EXOC4: variants seen among roughly 807,000 people sequenced by gnomAD.
EXOC4 encodes exocyst complex component 4, also known as SEC8-like 1.
In EXOC4, 71 loss-of-function variants were observed where a neutral mutation model predicts 107.2. That is an observed-to-expected ratio of 0.66 (90% CI 0.55 to 0.81). The LOEUF (loss-of-function observed/expected upper bound fraction) is 0.81, where lower values mean the gene tolerates loss of function less well. Among genes scored for constraint, EXOC4 ranks in the 30% least tolerant of loss-of-function variants. The pLI, the probability that EXOC4 is intolerant of heterozygous loss-of-function variation, is 0.00. For missense variants in EXOC4, 1,108 were observed against 1,189.6 expected, an observed-to-expected ratio of 0.93 and a Z score of 1.01; for synonymous variants, 456 against 441.2, an observed-to-expected ratio of 1.03 and a Z score of -0.42.
chr7:133,814,991 A>G (rs1323297495), intron 10 of EXOC4, among the ~76,000 whole-genome samples: 8 of 152,200 alleles, frequency 5.3e-5, no homozygotes, highest in Non-Finnish European at 7.3e-5. Flanking sequence ...AAATTGAAGT[A>G]CAATACAGCT....
intron 2 of EXOC4, among the ~76,000 whole-genome samples, chr7:133,288,464 T>C (rs1317056): frequency 0.17 from 25,887 of 152,154 alleles, 2,319 homozygotes; most frequent in Middle Eastern, 0.21. Context: ...GGTTGAGCAC[T>C]CTGTTTCTTG....
intron 12 of EXOC4, among the ~76,000 whole-genome samples, chr7:133,913,157 T>C (rs1799733915): frequency 6.6e-6 from 1 of 152,168 alleles, no homozygotes; most frequent in Non-Finnish European, 1.5e-5. Flanking sequence ...ATACTCATCA[T>C]GGGTAGTGTG....
chr7:133,923,564 TG>T (rs1242815421), intron 13 of EXOC4, among the ~76,000 whole-genome samples: 1 of 152,220 alleles, frequency 6.6e-6, no homozygotes, highest in African/African-American at 2.4e-5. Context: ...TATCCTCTTT[TG>T]TAACATATTT....
chr7:133,913,534 T>C (rs925000114), intron 12 of EXOC4, among the ~76,000 whole-genome samples: 2 of 152,090 alleles, frequency 1.3e-5, no homozygotes, highest in African/African-American at 2.4e-5. Flanking sequence ...ATTAAGGAGA[T>C]AGAATTGGCA....
intron 7 of EXOC4, among the ~76,000 whole-genome samples, chr7:133,454,823 A>C (rs939896061): frequency 3.9e-5 from 6 of 152,188 alleles, no homozygotes; most frequent in Non-Finnish European, 7.4e-5. Flanking sequence ...TATAGGCCAG[A>C]CACAGTGGCA....
At chr7:133,366,006 A>G (rs951958105) in intron 6 of EXOC4, among the ~76,000 whole-genome samples, 3 of 152,214 alleles carry the variant, frequency 2.0e-5, no homozygotes, top group African/African-American at 7.2e-5. Flanking sequence ...GTCTCAGCAG[A>G]CAAGTAATAG....
At chr7:133,596,277 T>G (rs541849050) in intron 9 of EXOC4, among the ~76,000 whole-genome samples, 1 of 152,344 alleles carries the variant, frequency 6.6e-6, no homozygotes, top group South Asian at 2.1e-4. Context: ...GATTTCTGGC[T>G]GTTTCTTTAT....
intron 10 of EXOC4, among the ~76,000 whole-genome samples, chr7:133,698,287 T>C (rs1250306462): frequency 1.3e-5 from 2 of 152,054 alleles, no homozygotes; most frequent in African/African-American, 4.8e-5. Context: ...TTCACTTCTG[T>C]GTTGAGACTG....
the EXOC4 span, among the ~76,000 whole-genome samples, chr7:134,093,620 A>G: frequency 2.6e-5 from 4 of 152,198 alleles, no homozygotes; most frequent in Non-Finnish European, 5.9e-5. Context: ...CACAGAATAT[A>G]CATTTTTCTC....
chr7:134,050,226 G>A (rs1050152061), intron 17 of EXOC4, among the ~76,000 whole-genome samples: 2 of 152,144 alleles, frequency 1.3e-5, no homozygotes, highest in South Asian at 2.1e-4. Flanking sequence ...GAGGCTTTAC[G>A]CTATATGCTT....
intron 7 of EXOC4, among the ~76,000 whole-genome samples, chr7:133,460,220 A>G (rs1385375478): frequency 6.6e-6 from 1 of 152,176 alleles, no homozygotes; most frequent in Admixed American, 6.5e-5. Flanking sequence ...TGCAGTTCAC[A>G]GTAGGGTTCA....
At chr7:133,684,736 A>G (rs1794258948) in intron 10 of EXOC4, among the ~76,000 whole-genome samples, 2 of 152,200 alleles carry the variant, frequency 1.3e-5, no homozygotes, top group Admixed American at 1.3e-4. Flanking sequence ...GCAAATAAAG[A>G]GGAAACTAAA....
chr7:133,844,313 A>G (rs149521470), intron 11 of EXOC4, among the ~76,000 whole-genome samples: 2 of 151,270 alleles, frequency 1.3e-5, no homozygotes, highest in Non-Finnish European at 2.9e-5. Context: ...GACTACCTCA[A>G]ACTATTTCTA....
intron 10 of EXOC4, among the ~76,000 whole-genome samples, chr7:133,736,622 C>T (rs936278200): frequency 3.1e-4 from 47 of 152,242 alleles, no homozygotes; most frequent in Non-Finnish European, 5.3e-4. Context: ...CATAAATATT[C>T]ACGGTTGAAA....
chr7:133,713,174 CAAAGT>C (rs1445707245), intron 10 of EXOC4, among the ~76,000 whole-genome samples: 2 of 152,012 alleles, frequency 1.3e-5, no homozygotes, highest in African/African-American at 4.8e-5. Flanking sequence ...TCTGGGAAGA[CAAAGT>C]AAAGGGTTAA....
intron 10 of EXOC4, among the ~76,000 whole-genome samples, chr7:133,642,174 C>A (rs1002509664): frequency 2.6e-5 from 4 of 151,652 alleles, no homozygotes; most frequent in Non-Finnish European, 5.9e-5. Context: ...CTTTTTTTTC[C>A]AGCAAATACT....
chr7:133,369,823 T>C (rs1796326205), intron 6 of EXOC4, among the ~76,000 whole-genome samples: 1 of 141,552 alleles, frequency 7.1e-6, no homozygotes, highest in African/African-American at 2.7e-5. Flanking sequence ...TTTTTTTTTT[T>C]GAGACGGAGT....
chr7:133,367,048 C>A (rs1204057867), intron 6 of EXOC4, among the ~76,000 whole-genome samples: 1 of 151,984 alleles, frequency 6.6e-6, no homozygotes, highest in East Asian at 1.9e-4. Context: ...TTTGCTGGGG[C>A]AAGCATTACC....
chr7:133,456,482 C>G (rs1798466614), intron 7 of EXOC4, among the ~76,000 whole-genome samples: 1 of 152,164 alleles, frequency 6.6e-6, no homozygotes, highest in South Asian at 2.1e-4. Flanking sequence ...AGGGAGAAAA[C>G]TTGAGATGGA....
Sources: gnomAD v4.1 joint callset for allele counts (sites outside exome capture counted in the v4.1 genomes callset) on GRCh38, gnomAD v4.1.1 for gene constraint, MANE v1.5 for transcripts, NCBI Gene and HGNC (gene_info 2026-07-23, HGNC 2026-07-21) for gene names.